MALRD1: variants seen among roughly 807,000 people sequenced by gnomAD.
MALRD1 encodes the protein MAM and LDL receptor class A domain containing 1, also known as MAM and LDL-receptor class A domain-containing protein 1.
MALRD1 carries 247 observed loss-of-function variants against 242.1 expected under a neutral mutation model. The ratio of observed to expected loss-of-function variants is 1.02; its 90% CI spans 0.92 to 1.13. The LOEUF (loss-of-function observed/expected upper bound fraction) is 1.13. Among genes scored for constraint, MALRD1 ranks in the 50% most tolerant of loss-of-function variants. The pLI is 0.00. For missense variants in MALRD1, 2,989 were observed against 2,533.1 expected, an observed-to-expected ratio of 1.18 and a Z score of -3.86; for synonymous variants, 995 against 866.6, an observed-to-expected ratio of 1.15 and a Z score of -2.60.
At chr10:19,128,534 A>G (rs1197449544) in intron 8 of MALRD1, 147 bp downstream of exon 8, 4 of 473,452 alleles carry the variant, frequency 8.4e-6, no homozygotes, top group African/African-American at 6.0e-5. Context: ...AGAATGATTA[A>G]GAAACTAGGA....
At chr10:19,615,963 G>A (rs1183209061) in intron 36 of MALRD1, 40 bp downstream of exon 36, 1 of 1,441,738 alleles carries the variant, frequency 6.9e-7, no homozygotes, top group Non-Finnish European at 9.4e-7. Flanking sequence ...AAGATTTTTT[G>A]GAGTTGGCTT....
intron 14 of MALRD1, among the ~76,000 whole-genome samples, chr10:19,175,800 G>A (rs965286639): frequency 1.2e-4 from 18 of 151,974 alleles, no homozygotes; most frequent in African/African-American, 3.9e-4. Flanking sequence ...TTAAAATTCT[G>A]TGTTTCTATT....
At chr10:19,634,136 C>T (rs747208270) in intron 36 of MALRD1, among the ~76,000 whole-genome samples, 5 of 152,026 alleles carry the variant, frequency 3.3e-5, no homozygotes, top group African/African-American at 1.2e-4. Flanking sequence ...CCACCCCACC[C>T]GGCTACACAG....
At chr10:19,728,829 G>T (rs190464450) in intron 38 of MALRD1, among the ~76,000 whole-genome samples, 1 of 152,196 alleles carries the variant, frequency 6.6e-6, no homozygotes, top group Admixed American at 6.5e-5. Flanking sequence ...CTCAGTTCAT[G>T]CACTAACCAT....
intron 23 of MALRD1, 107 bp from the exon 24 acceptor site, chr10:19,331,256 AAAAAAC>A (rs1843353146): frequency 1.0e-6 from 1 of 965,862 alleles, no homozygotes; most frequent in African/African-American, 1.7e-5. Context: ...AACAAAAACA[AAAAAAC>A]AAACAACAAA....
At chr10:19,462,945 T>C (rs185171060) in intron 29 of MALRD1, among the ~76,000 whole-genome samples, 1 of 152,246 alleles carries the variant, frequency 6.6e-6, no homozygotes, top group Admixed American at 6.5e-5. Flanking sequence ...CTGGTGTCTT[T>C]TAAAATTGTT....
chr10:19,065,494 C>T (rs752986455), intron 1 of MALRD1, among the ~76,000 whole-genome samples: 2 of 151,906 alleles, frequency 1.3e-5, no homozygotes, highest in Non-Finnish European at 2.9e-5. Flanking sequence ...TGGTTTCTGC[C>T]GGCTTCTTCA....
intron 33 of MALRD1, among the ~76,000 whole-genome samples, chr10:19,574,415 G>A (rs1380051392): frequency 2.6e-5 from 4 of 152,132 alleles, no homozygotes; most frequent in South Asian, 2.1e-4. Flanking sequence ...ATGTTATATG[G>A]CACCTCTCTC....
At chr10:19,443,168 C>T (rs1485815607) in intron 28 of MALRD1, among the ~76,000 whole-genome samples, 1 of 151,852 alleles carries the variant, frequency 6.6e-6, no homozygotes, top group Non-Finnish European at 1.5e-5. Context: ...GGTGATATCC[C>T]CTTTATCATT....
rs1237874780 is a variant in MALRD1, at chr10:19,113,540, C to G, written c.694+9465C>G. On this transcript the variant is annotated intron_variant, in intron 5 of 39. Transcript: ENST00000454679. ...CATTCCTCTCCCCTCTGTCCTCCTCCTACATTTCTCCTCCCTCCTTCCTCC... is the reference window on the plus strand; with the variant it reads ...CATTCCTCTCCCCTCTGTCCTCCTCGTACATTTCTCCTCCCTCCTTCCTCC... 3.3e-5 allele frequency among the ~76,000 whole-genome samples: 5 copies of G among 151,802 alleles called. No individual in the cohort carries two copies. In the East Asian group the frequency reaches 9.7e-4, roughly 29 times the overall value.
intron 33 of MALRD1, among the ~76,000 whole-genome samples, chr10:19,583,990 A>G (rs1837264385): frequency 6.6e-6 from 1 of 152,058 alleles, no homozygotes; most frequent in African/African-American, 2.4e-5. Flanking sequence ...CATTTCTTCT[A>G]GATTTTCTAG....
At chr10:19,326,906 T>G (rs1554833252) in intron 22 of MALRD1, among the ~76,000 whole-genome samples, 1 of 152,134 alleles carries the variant, frequency 6.6e-6, no homozygotes. Flanking sequence ...CACTCTCCTT[T>G]GAGCCTTAGT....
chr10:19,489,887 T>C (rs1837406395), intron 29 of MALRD1, among the ~76,000 whole-genome samples: 2 of 152,210 alleles, frequency 1.3e-5, no homozygotes, highest in South Asian at 4.1e-4. Context: ...GTAGCCTCTT[T>C]GGTTGTGATA....
chr10:19,547,993 C>CTTTTTTTT (rs765509925), intron 32 of MALRD1, among the ~76,000 whole-genome samples: 3 of 65,764 alleles, frequency 4.6e-5, no homozygotes, highest in African/African-American at 9.1e-5. Context: ...TATCACTATA[C>CTTTTTTTT]TTTTTTTTTT....
At chr10:19,216,594 A>T (rs886648068) in intron 18 of MALRD1, among the ~76,000 whole-genome samples, 1 of 152,172 alleles carries the variant, frequency 6.6e-6, no homozygotes, top group Non-Finnish European at 1.5e-5. Context: ...TAACAATAAT[A>T]GTTTAAATAC....
At chr10:19,183,115 GTTTTT>G (rs71387051) in intron 14 of MALRD1, among the ~76,000 whole-genome samples, 44,341 of 137,904 alleles carry the variant, frequency 0.32, 6,952 homozygotes, top group Admixed American at 0.39. Context: ...TATTTTGAGG[GTTTTT>G]TTTTTTTTTT....
chr10:19,654,750 C>G (rs1387690505), intron 36 of MALRD1, among the ~76,000 whole-genome samples: 2 of 152,088 alleles, frequency 1.3e-5, no homozygotes, highest in African/African-American at 4.8e-5. Flanking sequence ...AAAATTGAAG[C>G]TGAAAATATC....
chr10:19,406,823 G>A (rs968999908), intron 28 of MALRD1, among the ~76,000 whole-genome samples: 1 of 152,042 alleles, frequency 6.6e-6, no homozygotes, highest in Non-Finnish European at 1.5e-5. Context: ...TACACAACTC[G>A]CTTATTAGCT....
At chr10:19,329,209 G>T (rs573334597) in intron 23 of MALRD1, among the ~76,000 whole-genome samples, 1 of 152,056 alleles carries the variant, frequency 6.6e-6, no homozygotes, top group Admixed American at 6.5e-5. Flanking sequence ...CACTTACTAC[G>T]TGCAAAGCAC....
Sources: gnomAD v4.1 joint callset for allele counts (sites outside exome capture counted in the v4.1 genomes callset) on GRCh38, gnomAD v4.1.1 for gene constraint, MANE v1.5 for transcripts, NCBI Gene and HGNC (gene_info 2026-07-23, HGNC 2026-07-21) for gene names.